The following ZFP28 variants were observed in gnomAD, a reference collection of about 807,000 sequenced individuals.
ZFP28 encodes ZFP28 zinc finger protein, also known as zinc finger protein 28 homolog.
A neutral mutation model predicts 39.5 loss-of-function variants in ZFP28; 31 were observed. That is an observed-to-expected ratio of 0.79 (90% CI 0.59 to 1.06). The LOEUF (loss-of-function observed/expected upper bound fraction) is 1.06, where lower values mean the gene tolerates loss of function less well. Among genes scored for constraint, ZFP28 ranks in the 50% least tolerant of loss-of-function variants. The pLI, the probability that ZFP28 is intolerant of heterozygous loss-of-function variation, is 0.00. For synonymous variants in ZFP28, 400 were observed against 378.6 expected, an observed-to-expected ratio of 1.06 and a Z score of -0.66; for missense variants, 925 against 1,048.4, an observed-to-expected ratio of 0.88 and a Z score of 1.63.
chr19:56,539,500 T>A (rs1439906398), intron 1 of ZFP28, 125 bp from the exon 2 acceptor site: 9 of 828,452 alleles, frequency 1.1e-5, no homozygotes, highest in Non-Finnish European at 1.7e-5. Context: ...TATCTCCACG[T>A]TGTGGCAGTC....
In ZFP28 at chr19:56,553,723, A is replaced by G; in HGVS notation, c.938A>G (p.Lys313Arg). 2 of 1,612,356 alleles carry G rather than the reference A, an allele frequency of 1.2e-6. No individual in the cohort carries two copies. The highest frequency in any genetic ancestry group is 1.7e-6 in the Non-Finnish European group (2 of 1,179,394). Residue 313 changes from lysine to arginine, a missense_variant, in exon 8 of 8, where the codon AAG becomes AGG. Lys to Arg is a conservative substitution (Grantham distance 26, BLOSUM62 2). Transcript: ENST00000301318. ...SVHETQELFPKQDSYAEGVTD... is the reference protein window; with the variant it reads ...SVHETQELFPRQDSYAEGVTD... Reference sequence around the variant, plus strand: ...CATGAGACCCAGGAATTATTTCCAAAGCAAGATTCATATGCTGAAGGGGTA... The same window carrying G: ...CATGAGACCCAGGAATTATTTCCAAGGCAAGATTCATATGCTGAAGGGGTA...
intron 2 of ZFP28, among the ~76,000 whole-genome samples, chr19:56,540,504 C>T (rs2044186575): frequency 6.6e-6 from 1 of 152,170 alleles, no homozygotes; most frequent in Admixed American, 6.5e-5. Flanking sequence ...TACAGATGAA[C>T]CAGCTTCCAG....
At chr19:56,539,297 G>T in intron 1 of ZFP28, 71 bp downstream of exon 1, 1 of 1,460,440 alleles carries the variant, frequency 6.8e-7, no homozygotes, top group Non-Finnish European at 9.1e-7. Flanking sequence ...CTGGGAGGGG[G>T]TTGGGCTCTC....
At position 56,554,671 on chromosome 19, in the gene ZFP28, G is replaced by T; in HGVS notation, c.1886G>T (p.Ser629Ile). The part of the protein sequence containing the change: ...CAECGKSFSI[S>I]SQLATHQRIH... ...GAGTGTGGAAAATCCTTCAGCATCAGTTCTCAGCTTGCCACTCATCAGAGA... is the reference window on the plus strand; with the variant it reads ...GAGTGTGGAAAATCCTTCAGCATCATTTCTCAGCTTGCCACTCATCAGAGA... Residue 629 changes from serine to isoleucine, a missense_variant, in exon 8 of 8, where the codon AGT becomes ATT. Physicochemically the swap from Ser to Ile is moderately radical, Grantham distance 142 (BLOSUM62 -2). Around this residue, in one of 2 missense-constraint regions of ZFP28, gnomAD observed 369 missense variants for 505.5 expected, o/e 0.73. Transcript: ENST00000301318. This position sits in a 1 kb window ranked among gnomAD's most constrained non-coding sequence, Gnocchi z 6.7. 6.2e-7 allele frequency: 1 copy of T among 1,613,464 alleles called. No homozygotes were observed. Among genetic ancestry groups the T allele is most frequent in the Non-Finnish European group, 8.5e-7 (1 of 1,179,502 alleles).
Position 56,552,412 on chromosome 19 carries a change from A to C in ZFP28, c.899-1272A>C, listed in dbSNP as rs2044312203. Reference sequence around the variant, plus strand: ...CAAGCTGCTAGATGAAAAATGTTTTATTTAATTTGCATTTCCCCAACTACT... The same window carrying C: ...CAAGCTGCTAGATGAAAAATGTTTTCTTTAATTTGCATTTCCCCAACTACT... On this transcript the variant is annotated intron_variant, in intron 7 of 7. Coordinates refer to ENST00000301318, the MANE Select transcript of ZFP28 (RefSeq NM_020828.2). The C allele has an allele frequency of 2.6e-5, 4 of 152,122 alleles. No homozygotes were observed. In the South Asian group the frequency reaches 8.3e-4, roughly 31 times the overall value. The allele number at this position is 152,122 out of a possible 1,614,324, so 9.4% of individuals were successfully genotyped here. A position where few individuals can be genotyped will look rare whatever the true frequency, so the allele number is the denominator to read the frequency against.
chr19:56,549,617 C>T (rs2044276737), intron 5 of ZFP28, among the ~76,000 whole-genome samples: 1 of 151,642 alleles, frequency 6.6e-6, no homozygotes, highest in Admixed American at 6.6e-5. Context: ...GCGGAGCTTG[C>T]AGTGAGCCGA....
In ZFP28 at chr19:56,551,153, A is replaced by C. The variant is rs75156353; in HGVS notation, c.898+548A>C. 3.2e-5 allele frequency: 32 copies of C among 999,042 alleles called. No homozygotes were observed. In the East Asian group the frequency reaches 3.1e-3, roughly 96 times the overall value. The allele number at this position is 999,042 out of a possible 1,614,324, so 61.9% of individuals were successfully genotyped here. ...TTTCAAATAGGGCATTATAGAGACA[A>C]AGGAGATGTTGTTCCCAGTGGTGTC... is the stretch of plus-strand genomic sequence containing the variant. On this transcript the variant is annotated intron_variant, in intron 7 of 7. Coordinates refer to ENST00000301318, the MANE Select transcript of ZFP28 (RefSeq NM_020828.2).
chr19:56,539,845 C>A, intron 2 of ZFP28, 129 bp downstream of exon 2: 1 of 764,034 alleles, frequency 1.3e-6, no homozygotes, highest in Non-Finnish European at 2.1e-6. Context: ...TCTTCACGTT[C>A]TAGTGAAGTG....
chr19:56,550,551 C>CA lies in ZFP28; in HGVS notation c.846dup (p.Glu283ArgfsTer24). On this transcript the variant is annotated frameshift_variant, in exon 7 of 8. Coordinates refer to ENST00000301318, the MANE Select transcript of ZFP28 (RefSeq NM_020828.2). LOFTEE classifies it high-confidence loss of function. Reference sequence around the variant, plus strand: ...GCCAGATTTAGTCTCTTTACTAGAGCAAGAGAAGGAGCCCTGGATGGTGAA... The same window carrying CA: ...GCCAGATTTAGTCTCTTTACTAGAGCAAAGAGAAGGAGCCCTGGATGGTGAA... The CA allele has an allele frequency of 1.2e-6, 2 of 1,614,114 alleles. No individual in the cohort carries two copies. Among genetic ancestry groups the CA allele is most frequent in the Non-Finnish European group, 1.7e-6 (2 of 1,180,030 alleles).
Position 56,551,260 on chromosome 19 carries a change from G to A in ZFP28, c.898+655G>A, listed in dbSNP as rs562219677. 18 of 986,512 alleles carry A rather than the reference G, an allele frequency of 1.8e-5. No homozygotes were observed. In the South Asian group the frequency reaches 6.1e-4, roughly 33 times the overall value. 61.1% of individuals were successfully genotyped at this position (986,512 alleles called of 1,614,324 possible). The stretch of plus-strand genomic sequence containing the variant: ...GATCTTTTCCTCTTGATGCACAAGG[G>A]AAAGAAAGGAAATTTCCATAGAAAA... On this transcript the variant is annotated intron_variant, in intron 7 of 7. Transcript: ENST00000301318.
intron 7 of ZFP28, chr19:56,550,834 G>C: frequency 6.8e-7 from 1 of 1,475,206 alleles, no homozygotes; most frequent in South Asian, 1.4e-5. Flanking sequence ...TGGCCACTGG[G>C]ACGTGTATCA....
intron 5 of ZFP28, among the ~76,000 whole-genome samples, chr19:56,549,626 G>A (rs1026631633): frequency 3.2e-4 from 48 of 151,878 alleles, no homozygotes; most frequent in Admixed American, 2.5e-3. Context: ...GCAGTGAGCC[G>A]AGATCGCGCC....
Position 56,549,091 on chromosome 19 carries a change from G to T in ZFP28, c.657G>T (p.Trp219Cys). 6.2e-7 allele frequency: 1 copy of T among 1,612,028 alleles called. No individual in the cohort carries two copies. Among genetic ancestry groups the T allele is most frequent in the Non-Finnish European group, 8.5e-7 (1 of 1,179,242 alleles). Residue 219 changes from tryptophan (W) to cysteine (C), a missense_variant, in exon 5 of 8, where the codon TGG becomes TGT. Trp to Cys is a radical substitution (Grantham distance 215, BLOSUM62 -2). Transcript: ENST00000301318. ...NLEYSLLGEHWDYDALFETQP... is the reference protein window; with the variant it reads ...NLEYSLLGEHCDYDALFETQP... ...AGTACTCTCTGTTAGGGGAACACTG[G>T]GATTATGATGCTCTGTTTGAGACAC...
At chr19:56,549,558 T>C (rs1367782523) in intron 5 of ZFP28, among the ~76,000 whole-genome samples, 2 of 151,980 alleles carry the variant, frequency 1.3e-5, no homozygotes, top group Non-Finnish European at 2.9e-5. Flanking sequence ...GCGCCTGTAG[T>C]CCCAGCTACT....
chr19:56,553,539 C>A, intron 7 of ZFP28, 145 bp from the exon 8 acceptor site: 1 of 1,100,088 alleles, frequency 9.1e-7, no homozygotes, highest in African/African-American at 1.6e-5. Flanking sequence ...CTGTGCCTGG[C>A]CCTAAATGTA....
chr19:56,555,451 C>T lies in ZFP28; in HGVS notation c.*59C>T, dbSNP rs1281174564. On this transcript the variant is annotated 3_prime_UTR_variant, in exon 8 of 8. Transcript: ENST00000301318. ...CAGTTTAAAACCCCATCTCCCTGCCCTTTTGTTTTCTTTTTGTCCCTTATT... is the reference window on the plus strand; with the variant it reads ...CAGTTTAAAACCCCATCTCCCTGCCTTTTTGTTTTCTTTTTGTCCCTTATT... The T allele has an allele frequency of 6.7e-7, 1 of 1,503,680 alleles. No individual in the cohort carries two copies. The highest frequency in any genetic ancestry group is 1.6e-5 in the African/African-American group (1 of 61,242). The allele number at this position is 1,503,680 out of a possible 1,614,324, so 93.1% of individuals were successfully genotyped here.
chr19:56,551,791 C>T, intron 7 of ZFP28: 7 of 984,040 alleles, frequency 7.1e-6, no homozygotes, highest in Non-Finnish European at 8.4e-6. Flanking sequence ...CTCTTATCTT[C>T]TTGTAAAATG....
chr19:56,541,877 ATTTTTTT>A (rs11297964), intron 2 of ZFP28, among the ~76,000 whole-genome samples: 1 of 61,342 alleles, frequency 1.6e-5, no homozygotes, highest in African/African-American at 9.3e-5. Context: ...CACCTGGCTA[ATTTTTTT>A]TTTTTTTTTT....
upstream of ZFP28, chr19:56,538,831 G>A (rs1382300850): frequency 7.8e-6 from 1 of 127,874 alleles, no homozygotes; most frequent in Non-Finnish European, 1.5e-5. Context: ...GCGGGGCGGG[G>A]CAGCGGGGAG....
Sources: allele counts gnomAD v4.1 joint callset (sites outside exome capture counted in the v4.1 genomes callset), GRCh38; gene constraint gnomAD v4.1.1; regional missense constraint gnomAD v4.1.1; non-coding constraint Gnocchi (gnomAD v3.1); transcripts MANE v1.5; gene names NCBI Gene and HGNC (gene_info 2026-07-23, HGNC 2026-07-21).